The following ELAVL1 variants were observed in gnomAD, a reference collection of about 807,000 sequenced individuals.
ELAVL1 encodes the protein ELAV like RNA binding protein 1, also known as ELAV-like protein 1.
ELAVL1 carries 1 observed loss-of-function variant against 28.4 expected under a neutral mutation model. That is an observed-to-expected ratio of 0.04 (90% CI 0.01 to 0.17). ELAVL1 has a LOEUF of 0.17. Ranked by LOEUF, ELAVL1 falls within the 10% of genes least tolerant of loss-of-function variation. The pLI, the probability that ELAVL1 is intolerant of heterozygous loss-of-function variation, is 1.00. For synonymous variants in ELAVL1, 174 were observed against 183.5 expected (o/e 0.95, Z 0.42); for missense variants, 157 against 447.2 (o/e 0.35, Z 5.85).
At chr19:7,966,250 T>C (rs1422121378) in intron 5 of ELAVL1, among the ~76,000 whole-genome samples, 1 of 152,128 alleles carries the variant, frequency 6.6e-6, no homozygotes, top group Non-Finnish European at 1.5e-5. Flanking sequence ...ATGCCACTCC[T>C]TGAGGTTTTG....
rs1428781726 is a variant in ELAVL1 at position 7,960,777 on chromosome 19, G to C, written c.*2706C>G. On this transcript the variant is annotated 3_prime_UTR_variant, in exon 6 of 6. Coordinates refer to ENST00000407627, the MANE Select transcript of ELAVL1 (RefSeq NM_001419.3). The stretch of plus-strand genomic sequence containing the variant: ...ATTTTTGCTAAATAGAAATACAACT[G>C]ATCTATGTAAAATTTTTTAAGAAAT... The C allele has an allele frequency of 6.6e-6, 1 of 152,476 alleles. No individual in the cohort carries two copies. Among genetic ancestry groups the C allele is most frequent in the African/African-American group, 2.4e-5 (1 of 41,412 alleles). 9.4% of individuals were successfully genotyped at this position (152,476 alleles called of 1,614,324 possible). A position where few individuals can be genotyped will look rare whatever the true frequency, so the allele number is the denominator to read the frequency against.
chr19:7,987,675 T>A (rs1261320232), intron 2 of ELAVL1, among the ~76,000 whole-genome samples: 1 of 152,138 alleles, frequency 6.6e-6, no homozygotes, highest in South Asian at 2.1e-4. Context: ...CTCTCCCCCA[T>A]CCCCAGCACC....
intron 1 of ELAVL1, among the ~76,000 whole-genome samples, chr19:7,995,286 CTTCT>C (rs1568316835): frequency 6.6e-6 from 1 of 152,142 alleles, no homozygotes; most frequent in Non-Finnish European, 1.5e-5. Flanking sequence ...AAGCATTTCC[CTTCT>C]TTCTTTCTCT....
chr19:7,963,411 T>C lies in ELAVL1; in HGVS notation c.*72A>G, dbSNP rs1984865728. 6.6e-7 allele frequency: 1 copy of C among 1,515,924 alleles called. No homozygotes were observed. Among genetic ancestry groups the C allele is most frequent in the Admixed American group, 2.1e-5 (1 of 48,398 alleles). The allele number at this position is 1,515,924 out of a possible 1,614,324, so 93.9% of individuals were successfully genotyped here. On this transcript the variant is annotated 3_prime_UTR_variant, in exon 6 of 6. Transcript: ENST00000407627. The surrounding 1 kb of genome is among the most constrained non-coding windows in gnomAD (Gnocchi z 4.5). ...GTGAAAATTGGCGCAAAATGAGTTG[T>C]ACACTAACAAGAAAAGTTTCAACTC...
chr19:7,976,619 A>C (rs1985300201), intron 3 of ELAVL1, among the ~76,000 whole-genome samples: 1 of 152,012 alleles, frequency 6.6e-6, no homozygotes, highest in Admixed American at 6.6e-5. Context: ...TTCAAGAGAA[A>C]CCAACCCTGC....
chr19:7,982,366 C>T lies in ELAVL1; in HGVS notation c.173-1180G>A, dbSNP rs1006898264. Reference sequence around the variant, plus strand: ...CTCCATTCCCCCAGCCGGCAGAGCGCGACAACGAGCAGGTCACCGAACAGG... The same window carrying T: ...CTCCATTCCCCCAGCCGGCAGAGCGTGACAACGAGCAGGTCACCGAACAGG... On this transcript the variant is annotated intron_variant, in intron 2 of 5. Coordinates refer to ENST00000407627, the MANE Select transcript of ELAVL1 (RefSeq NM_001419.3). The surrounding 1 kb of genome is among the most constrained non-coding windows in gnomAD (Gnocchi z 4.3). Among the ~76,000 whole-genome samples the T allele has an allele frequency of 1.3e-5, 2 of 152,136 alleles. No homozygotes were observed. Among genetic ancestry groups the T allele is most frequent in the Admixed American group, 6.6e-5 (1 of 15,264 alleles).
rs185540366 is a variant in ELAVL1 at position 7,987,120 on chromosome 19, G to C, written c.172+4524C>G. ...TAGAGCCTGACCGGGGGGTGCCGGG[G>C]GGGGGGGAGGGTGCAGCAAGTGGGG... is the stretch of plus-strand genomic sequence containing the variant. On this transcript the variant is annotated intron_variant, in intron 2 of 5. Transcript: ENST00000407627. Among the ~76,000 whole-genome samples the C allele has an allele frequency of 3.1e-4, 47 of 149,926 alleles. 3 individuals are homozygous for C. The highest frequency in any genetic ancestry group is 1.3e-3 in the South Asian group (6 of 4,644).
At chr19:7,987,127 G>GGGGGGGGC (rs397744248) in intron 2 of ELAVL1, among the ~76,000 whole-genome samples, 1 of 131,230 alleles carries the variant, frequency 7.6e-6, no homozygotes, top group African/African-American at 2.8e-5. Context: ...GGGGGGGGGG[G>GGGGGGGGC]AGGGTGCAGC....
chr19:7,965,995 C>CT (rs1473529405), intron 5 of ELAVL1, among the ~76,000 whole-genome samples: 16 of 152,196 alleles, frequency 1.1e-4, no homozygotes, highest in African/African-American at 3.9e-4. Flanking sequence ...AATAACACCT[C>CT]TCACAGCAGC....
chr19:7,987,395 G>C (rs1985635640), intron 2 of ELAVL1, among the ~76,000 whole-genome samples: 1 of 152,166 alleles, frequency 6.6e-6, no homozygotes, highest in African/African-American at 2.4e-5. Flanking sequence ...CACTGGGGCA[G>C]GGCTGCCCAG....
chr19:7,977,737 G>A (rs1157034342), intron 3 of ELAVL1, among the ~76,000 whole-genome samples: 1 of 152,256 alleles, frequency 6.6e-6, no homozygotes, highest in Non-Finnish European at 1.5e-5. Context: ...CGGACGGGGT[G>A]AAGGCAAGGC....
intron 4 of ELAVL1, among the ~76,000 whole-genome samples, chr19:7,972,553 G>A (rs1345853214): frequency 1.3e-5 from 2 of 152,338 alleles, no homozygotes; most frequent in Admixed American, 1.3e-4. Context: ...GGGGATTTGG[G>A]CCATCAGACT....
intron 3 of ELAVL1, among the ~76,000 whole-genome samples, chr19:7,976,625 C>T (rs1042519228): frequency 1.3e-5 from 2 of 152,046 alleles, no homozygotes; most frequent in South Asian, 4.1e-4. Flanking sequence ...AGAAACCAAC[C>T]CTGCTGACAC....
intron 1 of ELAVL1, among the ~76,000 whole-genome samples, chr19:7,995,636 G>GA (rs1160077394): frequency 2.0e-5 from 3 of 152,088 alleles, no homozygotes; most frequent in African/African-American, 4.8e-5. Flanking sequence ...AAAAAGCTGA[G>GA]AATATTTACC....
intron 4 of ELAVL1, among the ~76,000 whole-genome samples, chr19:7,972,544 G>C (rs1985143360): frequency 6.6e-6 from 1 of 152,232 alleles, no homozygotes; most frequent in African/African-American, 2.4e-5. Context: ...CCGAATTCTG[G>C]GGATTTGGGC....
At chr19:7,966,191 T>TA (rs892886271) in intron 5 of ELAVL1, among the ~76,000 whole-genome samples, 48 of 148,066 alleles carry the variant, frequency 3.2e-4, no homozygotes, top group African/African-American at 2.2e-4. Flanking sequence ...CATTAAAAAT[T>TA]AAAAAAAAAA....
intron 1 of ELAVL1, among the ~76,000 whole-genome samples, chr19:8,001,735 G>GA (rs1470640931): frequency 3.9e-5 from 6 of 152,022 alleles, no homozygotes; most frequent in African/African-American, 1.5e-4. Flanking sequence ...AAGCTGTTGG[G>GA]GTTACAGGTG....
chr19:7,999,327 C>A (rs562152845), intron 1 of ELAVL1, among the ~76,000 whole-genome samples: 3 of 152,286 alleles, frequency 2.0e-5, no homozygotes, highest in South Asian at 4.1e-4. Flanking sequence ...GAGTCAAAAT[C>A]ACGCCACTGC....
At chr19:8,004,924 G>A (rs2081081735) in intron 1 of ELAVL1, among the ~76,000 whole-genome samples, 1 of 151,952 alleles carries the variant, frequency 6.6e-6, no homozygotes, top group African/African-American at 2.4e-5. Context: ...AACGTCCCAC[G>A]CCCCACAAAC....
Sources: allele counts gnomAD v4.1 joint callset (sites outside exome capture counted in the v4.1 genomes callset), GRCh38; gene constraint gnomAD v4.1.1; non-coding constraint Gnocchi (gnomAD v3.1); transcripts MANE v1.5; gene names NCBI Gene and HGNC (gene_info 2026-07-23, HGNC 2026-07-21).